Variants in STX18 observed in about 807,000 individuals in gnomAD.
STX18 encodes the protein syntaxin 18.
A neutral mutation model predicts 50.1 loss-of-function variants in STX18; 40 were observed. The ratio of observed to expected loss-of-function variants is 0.80; its 90% CI spans 0.62 to 1.04. The LOEUF (loss-of-function observed/expected upper bound fraction) is 1.04, where lower values mean the gene tolerates loss of function less well. STX18 is among the 50% of genes least tolerant of loss of function. STX18 has a pLI of 0.00. For synonymous variants in STX18, 158 were observed against 151.8 expected, an observed-to-expected ratio of 1.04 and a Z score of -0.30; for missense variants, 410 against 415.8, an observed-to-expected ratio of 0.99 and a Z score of 0.12.
intron 1 of STX18, among the ~76,000 whole-genome samples, chr4:4,474,035 C>T (rs1161344462): frequency 6.6e-6 from 1 of 152,098 alleles, no homozygotes; most frequent in Admixed American, 6.5e-5. Flanking sequence ...CCTCCAAGTC[C>T]CAGGCCTTCC....
chr4:4,457,279 G>A (rs919297026), intron 4 of STX18, 22 bp from the exon 5 acceptor site: 30 of 1,610,950 alleles, frequency 1.9e-5, no homozygotes, highest in Non-Finnish European at 2.5e-5. Context: ...GAAAATACCA[G>A]AAGAGAGACT....
chr4:4,537,364 TC>T (rs1443400413), intron 1 of STX18, among the ~76,000 whole-genome samples: 1 of 152,128 alleles, frequency 6.6e-6, no homozygotes, highest in East Asian at 1.9e-4. Flanking sequence ...TACTCCCTAT[TC>T]CCAGACAGGG....
At chr4:4,523,784 C>G (rs1304210283) in intron 1 of STX18, among the ~76,000 whole-genome samples, 4 of 152,216 alleles carry the variant, frequency 2.6e-5, no homozygotes, top group African/African-American at 9.7e-5. Context: ...TGATCTTTCT[C>G]AAATACATAC....
upstream of STX18, chr4:4,542,180 C>G (rs907080919): frequency 7.5e-6 from 4 of 532,360 alleles, no homozygotes; most frequent in Non-Finnish European, 1.3e-5. Context: ...AGGAACCTCG[C>G]GACGCGCTCT....
intron 5 of STX18, among the ~76,000 whole-genome samples, chr4:4,439,008 CAT>C (rs988421113): frequency 2.0e-5 from 3 of 148,716 alleles, no homozygotes; most frequent in African/African-American, 2.5e-5. Context: ...CACACACACA[CAT>C]ATATACCACA....
Position 4,541,906 on chromosome 4 carries a change from T to C in STX18, c.59A>G (p.Asn20Ser), listed in dbSNP as rs372015735. 2 of 1,610,866 alleles carry C rather than the reference T, an allele frequency of 1.2e-6. No individual in the cohort carries two copies. The highest frequency in any genetic ancestry group is 1.7e-5 in the Admixed American group (1 of 59,838). ...GCCCACCGCCACTCCCAGCGCCTTG[T>C]TCCGCGTCTTCACGGTCTTGACGCT... ...RASVKTVKTR[N>S]KALGVAVGGG... Residue 20 changes from asparagine to serine, a missense_variant, in exon 1 of 11, where the codon AAC becomes AGC. By Grantham distance (46) the Asn-to-Ser change is conservative. Coordinates refer to ENST00000306200, the MANE Select transcript of STX18 (RefSeq NM_016930.4).
chr4:4,436,868 G>C (rs1560162767), intron 6 of STX18, among the ~76,000 whole-genome samples: 1 of 151,660 alleles, frequency 6.6e-6, no homozygotes, highest in Non-Finnish European at 1.5e-5. Context: ...AGGCTTTCTG[G>C]CCTCTGAGCA....
chr4:4,539,088 C>T (rs1731466442), intron 1 of STX18, among the ~76,000 whole-genome samples: 1 of 152,048 alleles, frequency 6.6e-6, no homozygotes, highest in Non-Finnish European at 1.5e-5. Flanking sequence ...AGTTTCAATG[C>T]AATTTTATTC....
intron 5 of STX18, among the ~76,000 whole-genome samples, chr4:4,440,316 TA>T (rs1193137583): frequency 6.6e-6 from 1 of 152,234 alleles, no homozygotes; most frequent in Non-Finnish European, 1.5e-5. Flanking sequence ...TGGATAAATT[TA>T]TTTAATTTCG....
At chr4:4,480,746 AT>A (rs1728421489) in intron 1 of STX18, among the ~76,000 whole-genome samples, 1 of 152,194 alleles carries the variant, frequency 6.6e-6, no homozygotes, top group South Asian at 2.1e-4. Context: ...CATACTTCCC[AT>A]TATCCACTAG....
At chr4:4,445,418 C>A (rs1215651308) in intron 5 of STX18, among the ~76,000 whole-genome samples, 3 of 149,238 alleles carry the variant, frequency 2.0e-5, no homozygotes, top group Non-Finnish European at 4.5e-5. Flanking sequence ...ACAACAACAA[C>A]AAAAACAAAA....
At chr4:4,438,170 C>A (rs1309555440) in intron 6 of STX18, among the ~76,000 whole-genome samples, 1 of 152,232 alleles carries the variant, frequency 6.6e-6, no homozygotes, top group Non-Finnish European at 1.5e-5. Flanking sequence ...CTCCCGGACC[C>A]CGCCAGCTCC....
At chr4:4,502,440 T>C (rs1729501104) in intron 1 of STX18, among the ~76,000 whole-genome samples, 1 of 152,218 alleles carries the variant, frequency 6.6e-6, no homozygotes, top group South Asian at 2.1e-4. Context: ...ATTTCTGTTC[T>C]TGAAAATTCA....
intron 1 of STX18, among the ~76,000 whole-genome samples, chr4:4,486,929 T>C (rs1211527930): frequency 6.6e-6 from 1 of 152,160 alleles, no homozygotes; most frequent in Non-Finnish European, 1.5e-5. Context: ...TAAAGTATAG[T>C]TCTTGACCTT....
rs112301929 is a variant in STX18 at position 4,504,915 on chromosome 4, C to T, written c.169-33209G>A. ...TAGCTGTTTAAAAAAAAAATAGTAG[C>T]CTTATTGAGCCCTAATTCACATAGC... On this transcript the variant is annotated intron_variant, in intron 1 of 10. Coordinates refer to ENST00000306200, the MANE Select transcript of STX18 (RefSeq NM_016930.4). Among the ~76,000 whole-genome samples, 699 of 152,228 alleles carry T rather than the reference C, an allele frequency of 4.6e-3. 8 individuals carry two copies. Among genetic ancestry groups the T allele is most frequent in the African/African-American group, 0.016 (656 of 41,538 alleles).
intron 5 of STX18, among the ~76,000 whole-genome samples, chr4:4,440,501 G>C (rs188959038): frequency 6.6e-6 from 1 of 152,150 alleles, no homozygotes; most frequent in African/African-American, 2.4e-5. Flanking sequence ...CTCCATGTGG[G>C]GTATATTCTA....
At chr4:4,484,171 C>A (rs776750989) in intron 1 of STX18, among the ~76,000 whole-genome samples, 14 of 152,268 alleles carry the variant, frequency 9.2e-5, no homozygotes, top group Non-Finnish European at 1.9e-4. Flanking sequence ...CCCTTCCTCT[C>A]AGGAATTTTT....
At chr4:4,453,759 G>A (rs1484031012) in intron 5 of STX18, 5 of 783,800 alleles carry the variant, frequency 6.4e-6, no homozygotes, top group Non-Finnish European at 7.7e-6. Context: ...GTCCACTCAG[G>A]CACAGGTACC....
intron 7 of STX18, chr4:4,425,689 G>A (rs915408148): frequency 1.2e-5 from 2 of 160,562 alleles, no homozygotes; most frequent in Non-Finnish European, 2.7e-5. Context: ...CAGCTTGGCC[G>A]AGCTGCCTCT....
Sources: gnomAD v4.1 joint callset for allele counts (sites outside exome capture counted in the v4.1 genomes callset) on GRCh38, gnomAD v4.1.1 for gene constraint, MANE v1.5 for transcripts, NCBI Gene and HGNC (gene_info 2026-07-23, HGNC 2026-07-21) for gene names.